Variants in CADM2 observed in about 807,000 individuals in gnomAD.
The protein encoded by CADM2 is cell adhesion molecule 2.
A neutral mutation model predicts 49.8 loss-of-function variants in CADM2; 12 were observed. The ratio of observed to expected loss-of-function variants is 0.24; its 90% CI spans 0.15 to 0.39. The LOEUF is 0.39. Ranked by LOEUF, CADM2 falls within the 10% of genes least tolerant of loss-of-function variation. The pLI is 1.00. For synonymous variants in CADM2, 214 were observed against 175.4 expected, an observed-to-expected ratio of 1.22 and a Z score of -1.74; for missense variants, 378 against 492.3, an observed-to-expected ratio of 0.77 and a Z score of 2.20.
At chr3:85,971,222 A>T (rs932782102) in intron 8 of CADM2, among the ~76,000 whole-genome samples, 8 of 151,448 alleles carry the variant, frequency 5.3e-5, no homozygotes, top group African/African-American at 1.9e-4. Context: ...GCCCTTATGG[A>T]CTCTCGTATG....
chr3:85,485,006 A>G (rs1399551676), intron 1 of CADM2, among the ~76,000 whole-genome samples: 1 of 151,996 alleles, frequency 6.6e-6, no homozygotes, highest in Non-Finnish European at 1.5e-5. Context: ...AGTGACACTT[A>G]AAGAATAAAA....
intron 2 of CADM2, among the ~76,000 whole-genome samples, chr3:85,734,694 T>C (rs1284242502): frequency 1.4e-5 from 2 of 147,694 alleles, no homozygotes; most frequent in Non-Finnish European, 3.0e-5. Flanking sequence ...AAATATAATA[T>C]ATATATTTTA....
chr3:85,861,379 T>C (rs1400619880), intron 3 of CADM2, among the ~76,000 whole-genome samples: 1 of 152,128 alleles, frequency 6.6e-6, no homozygotes, highest in Non-Finnish European at 1.5e-5. Context: ...GAGAGAAAGA[T>C]AAGAGTTAAG....
At chr3:85,355,792 G>A (rs1268102084) in intron 1 of CADM2, among the ~76,000 whole-genome samples, 1 of 152,108 alleles carries the variant, frequency 6.6e-6, no homozygotes, top group East Asian at 1.9e-4. Flanking sequence ...GAGAACAGAA[G>A]GGTCTGTTGT....
chr3:85,487,602 T>TGGA (rs893286825), intron 1 of CADM2, among the ~76,000 whole-genome samples: 1 of 116,222 alleles, frequency 8.6e-6, no homozygotes, highest in African/African-American at 3.3e-5. Flanking sequence ...AAGGAGGAAG[T>TGGA]GGAGGAGGAG....
chr3:85,530,321 CG>C lies in CADM2; in HGVS notation c.62-196200del, dbSNP rs1479728185. On this transcript the variant is annotated intron_variant, in intron 1 of 9. Transcript: ENST00000383699. ...GTGAGTCAGTTAGACTTCTTTTCTC[CG>C]TTTTTTTTTTTTTTTTTTTTTTTTT... 6.4e-3 allele frequency among the ~76,000 whole-genome samples: 755 copies of C among 118,778 alleles called. 16 individuals carry two copies. Among genetic ancestry groups the C allele is most frequent in the East Asian group, 0.011 (49 of 4,282 alleles). 77.9% of individuals were successfully genotyped at this position (118,778 alleles called of 152,430 possible).
At chr3:85,643,596 C>T (rs1369934127) in intron 1 of CADM2, among the ~76,000 whole-genome samples, 1 of 152,018 alleles carries the variant, frequency 6.6e-6, no homozygotes, top group East Asian at 1.9e-4. Flanking sequence ...GTTGACTATA[C>T]TTTAGATAAA....
In CADM2 at chr3:85,158,245, A is replaced by T. The variant is rs184589251; in HGVS notation, c.61+198577A>T. ...GGAACACTTTTACACTGTTGGTGGG[A>T]CTGTAAACTAGTTCAACCATTGTGG... On this transcript the variant is annotated intron_variant, in intron 1 of 9. Coordinates refer to ENST00000383699, the MANE Select transcript of CADM2 (RefSeq NM_001167675.2). Among the ~76,000 whole-genome samples the T allele has an allele frequency of 2.8e-3, 424 of 152,330 alleles. 3 individuals carry two copies. The highest frequency in any genetic ancestry group is 9.9e-3 in the African/African-American group (411 of 41,578).
At chr3:86,044,230 GA>G (rs1353162647) in intron 8 of CADM2, among the ~76,000 whole-genome samples, 1 of 152,110 alleles carries the variant, frequency 6.6e-6, no homozygotes, top group Non-Finnish European at 1.5e-5. Context: ...TTAAACTAAA[GA>G]GCTTCTGCAC....
At chr3:85,076,961 G>T (rs1421677128) in intron 1 of CADM2, among the ~76,000 whole-genome samples, 1 of 152,126 alleles carries the variant, frequency 6.6e-6, no homozygotes, top group Non-Finnish European at 1.5e-5. Flanking sequence ...ACCAGAGAGA[G>T]ACTCCGTCTC....
intron 1 of CADM2, among the ~76,000 whole-genome samples, chr3:85,023,532 G>A (rs1473219632): frequency 6.6e-6 from 1 of 151,852 alleles, no homozygotes; most frequent in Non-Finnish European, 1.5e-5. Context: ...TGAGTCTAGA[G>A]GAAAAAGGTC....
At chr3:85,597,278 T>C (rs2063271985) in intron 1 of CADM2, among the ~76,000 whole-genome samples, 1 of 152,110 alleles carries the variant, frequency 6.6e-6, no homozygotes, top group Admixed American at 6.6e-5. Context: ...CTTTGAAGTT[T>C]AGATACAATC....
chr3:85,574,735 T>C (rs530360359), intron 1 of CADM2, among the ~76,000 whole-genome samples: 26 of 152,336 alleles, frequency 1.7e-4, no homozygotes, highest in African/African-American at 5.8e-4. Context: ...TATGTTTCTT[T>C]AGCTATACAT....
intron 1 of CADM2, among the ~76,000 whole-genome samples, chr3:85,601,083 T>G (rs2063378658): frequency 2.0e-5 from 3 of 146,564 alleles, no homozygotes; most frequent in South Asian, 4.3e-4. Context: ...TATCTTTTTA[T>G]GTTAAGTGCA....
chr3:85,955,179 A>G (rs1376601252), intron 7 of CADM2, among the ~76,000 whole-genome samples: 1 of 151,192 alleles, frequency 6.6e-6, no homozygotes, highest in South Asian at 2.1e-4. Flanking sequence ...TGAATGTGAC[A>G]TTTTTTTCAA....
rs577439680 is a variant in CADM2 at position 85,375,932 on chromosome 3, C to T, written c.62-350590C>T. ...GTTATTGTTTACATTTTAATAACCACATTTAAGGGTACCTAAGTAAACCTA... is the reference window on the plus strand; with the variant it reads ...GTTATTGTTTACATTTTAATAACCATATTTAAGGGTACCTAAGTAAACCTA... On this transcript the variant is annotated intron_variant, in intron 1 of 9. Transcript: ENST00000383699. Among the ~76,000 whole-genome samples the T allele has an allele frequency of 4.6e-5, 7 of 152,188 alleles. No homozygotes were observed. The South Asian group carries it at 1.5e-3, about 32-fold the overall frequency.
intron 8 of CADM2, among the ~76,000 whole-genome samples, chr3:86,037,570 A>T (rs553945180): frequency 1.3e-5 from 2 of 152,302 alleles, no homozygotes; most frequent in Non-Finnish European, 2.9e-5. Flanking sequence ...TATTTTCATT[A>T]TATTCTGCAA....
chr3:85,966,264 G>A (rs1314138574), intron 8 of CADM2, among the ~76,000 whole-genome samples: 1 of 151,656 alleles, frequency 6.6e-6, no homozygotes, highest in African/African-American at 2.4e-5. Flanking sequence ...AGGGTAGCAA[G>A]GATAATGTTT....
intron 1 of CADM2, among the ~76,000 whole-genome samples, chr3:85,178,503 AAAG>A (rs2107698988): frequency 6.6e-6 from 1 of 151,974 alleles, no homozygotes; most frequent in East Asian, 1.9e-4. Flanking sequence ...AAAAAGTGAG[AAAG>A]AAGATAAATT....
Sources: allele counts gnomAD v4.1 joint callset (sites outside exome capture counted in the v4.1 genomes callset), GRCh38; gene constraint gnomAD v4.1.1; transcripts MANE v1.5; gene names NCBI Gene and HGNC (gene_info 2026-07-23, HGNC 2026-07-21).